SLC9A2: variants seen among roughly 807,000 people sequenced by gnomAD.
The protein encoded by SLC9A2 is sodium/hydrogen exchanger 2.
Under a neutral mutation model 71.7 loss-of-function variants are expected in SLC9A2, and 42 were observed. The ratio of observed to expected loss-of-function variants is 0.59; its 90% CI spans 0.46 to 0.76. SLC9A2 has a LOEUF of 0.76. Among genes scored for constraint, SLC9A2 ranks in the 30% least tolerant of loss-of-function variants. The probability of loss-of-function intolerance (pLI) is 0.00; values close to 1 mark genes in which losing one functional copy is unlikely to be tolerated. For missense variants in SLC9A2, 829 were observed against 1,017.4 expected (o/e 0.81, Z 2.52); for synonymous variants, 396 against 392.5 (o/e 1.01, Z -0.10).
chr2:102,668,355 A>G (rs1391730383), intron 3 of SLC9A2, among the ~76,000 whole-genome samples: 3 of 121,776 alleles, frequency 2.5e-5, no homozygotes, highest in Non-Finnish European at 3.6e-5. Flanking sequence ...ACAGATGTGC[A>G]TGCCCCGCCC....
intron 3 of SLC9A2, among the ~76,000 whole-genome samples, chr2:102,674,782 A>T (rs1174666048): frequency 6.6e-6 from 1 of 152,212 alleles, no homozygotes; most frequent in Non-Finnish European, 1.5e-5. Flanking sequence ...CCTTAGGGTG[A>T]TAGGACAAGG....
At chr2:102,662,039 G>A (rs1339955395) in intron 2 of SLC9A2, among the ~76,000 whole-genome samples, 1 of 152,152 alleles carries the variant, frequency 6.6e-6, no homozygotes, top group Non-Finnish European at 1.5e-5. Flanking sequence ...TAAAACAGGT[G>A]GGAGGTTGTG....
chr2:102,705,487 A>G (rs1677957890), intron 10 of SLC9A2, among the ~76,000 whole-genome samples: 2 of 151,958 alleles, frequency 1.3e-5, no homozygotes, highest in South Asian at 4.1e-4. Flanking sequence ...AACACCTTAC[A>G]TATATATATT....
chr2:102,681,699 T>C (rs774500159), intron 3 of SLC9A2, among the ~76,000 whole-genome samples: 1 of 152,228 alleles, frequency 6.6e-6, no homozygotes, highest in Non-Finnish European at 1.5e-5. Flanking sequence ...CAATAAATTA[T>C]GCATTCTTCA....
chr2:102,676,746 T>C (rs1385304523), intron 3 of SLC9A2, among the ~76,000 whole-genome samples: 1 of 152,246 alleles, frequency 6.6e-6, no homozygotes, highest in African/African-American at 2.4e-5. Context: ...TGAGTACTTA[T>C]TCTGAGAGCA....
chr2:102,654,398 T>C (rs909643339), intron 1 of SLC9A2, among the ~76,000 whole-genome samples: 6 of 152,150 alleles, frequency 3.9e-5, no homozygotes, highest in Non-Finnish European at 8.8e-5. Context: ...ACCCATTGAA[T>C]ACATTTAGTC....
In SLC9A2 at chr2:102,686,064, T is replaced by G. The variant is rs532626583; in HGVS notation, c.1425+1728T>G. 4.2e-4 allele frequency among the ~76,000 whole-genome samples: 64 copies of G among 152,312 alleles called. 1 individual carries two copies. The South Asian group carries it at 7.2e-3, about 17-fold the overall frequency. ...GGAGGAAGATCAGGAGATGTGCGTG[T>G]GTTTTAAAAATTTATTCATATTTAT... is the stretch of plus-strand genomic sequence containing the variant. On this transcript the variant is annotated intron_variant, in intron 5 of 11. Coordinates refer to ENST00000233969, the MANE Select transcript of SLC9A2 (RefSeq NM_003048.6).
intron 1 of SLC9A2, among the ~76,000 whole-genome samples, chr2:102,645,953 C>G (rs1676715006): frequency 6.6e-6 from 1 of 152,080 alleles, no homozygotes; most frequent in Non-Finnish European, 1.5e-5. Flanking sequence ...ACACAGAGAA[C>G]ACAACTAAGA....
Position 102,657,758 on chromosome 2 carries a change from T to G in SLC9A2, c.484T>G (p.Phe162Val), listed in dbSNP as rs1425150409. ...CGGCTATTTCATGCCCACTCGCCCA[T>G]TCTTTGAGAACATTGGCACGATTTT... Reference protein sequence around the residue: ...DAGYFMPTRPFFENIGTIFWY... With the variant: ...DAGYFMPTRPVFENIGTIFWY... Residue 162 changes from phenylalanine (F) to valine (V), a missense_variant, in exon 2 of 12, where the codon TTC (phenylalanine) becomes GTC (valine). Phe to Val is a conservative substitution (Grantham distance 50). This residue lies in a region of SLC9A2 where 500 missense variants were observed against 726.3 expected (regional missense o/e 0.69). Coordinates refer to ENST00000233969, the MANE Select transcript of SLC9A2 (RefSeq NM_003048.6). The G allele has an allele frequency of 2.5e-6, 4 of 1,614,204 alleles. No individual in the cohort carries two copies. The highest frequency in any genetic ancestry group is 3.4e-6 in the Non-Finnish European group (4 of 1,180,020).
At chr2:102,644,450 T>C (rs1573404638) in intron 1 of SLC9A2, among the ~76,000 whole-genome samples, 1 of 152,210 alleles carries the variant, frequency 6.6e-6, no homozygotes, top group Non-Finnish European at 1.5e-5. Flanking sequence ...GCTCCTGGAA[T>C]GCCAGCAAGA....
chr2:102,655,717 T>A (rs1466613820), intron 1 of SLC9A2, among the ~76,000 whole-genome samples: 3 of 152,234 alleles, frequency 2.0e-5, no homozygotes, highest in African/African-American at 7.2e-5. Flanking sequence ...TAAATTTCTG[T>A]CCTACTCTGT....
chr2:102,649,747 A>T (rs1030559684), intron 1 of SLC9A2, among the ~76,000 whole-genome samples: 11 of 152,264 alleles, frequency 7.2e-5, no homozygotes, highest in Admixed American at 5.9e-4. Flanking sequence ...CATTAGAGAA[A>T]TGCAAATCAA....
chr2:102,658,123 GCACA>G, intron 2 of SLC9A2, 96 bp downstream of exon 2: 4 of 906,112 alleles, frequency 4.4e-6, no homozygotes, highest in South Asian at 1.6e-5. Context: ...GCGAGACCCT[GCACA>G]CAGGGTGGTT....
At chr2:102,622,826 T>C (rs1220636932) in intron 1 of SLC9A2, among the ~76,000 whole-genome samples, 2 of 152,250 alleles carry the variant, frequency 1.3e-5, no homozygotes, top group African/African-American at 4.8e-5. Flanking sequence ...TTTCTAGCAC[T>C]ACAGAACCTT....
intron 1 of SLC9A2, among the ~76,000 whole-genome samples, chr2:102,640,017 C>T (rs1307821178): frequency 2.0e-5 from 3 of 152,120 alleles, no homozygotes; most frequent in African/African-American, 4.8e-5. Context: ...ACTAGGATTG[C>T]GAGGCGTGTG....
intron 3 of SLC9A2, among the ~76,000 whole-genome samples, chr2:102,672,257 A>G (rs977064252): frequency 2.6e-5 from 4 of 152,204 alleles, no homozygotes; most frequent in African/African-American, 9.6e-5. Flanking sequence ...GAGTTACATA[A>G]ATATGCTCTG....
rs968407196 is a variant in SLC9A2 at position 102,711,320 on chromosome 2, C to G, written c.*2831C>G. On this transcript the variant is annotated 3_prime_UTR_variant, in exon 12 of 12. Coordinates refer to ENST00000233969, the MANE Select transcript of SLC9A2 (RefSeq NM_003048.6). ...AAGAGATCACTTTGTCCGGATGAAG[C>G]AGCTGTTGGCATTATCCGCTGAGGC... 3.9e-5 allele frequency: 6 copies of G among 152,350 alleles called. No individual in the cohort carries two copies. 9.4% of individuals were successfully genotyped at this position (152,350 alleles called of 1,614,324 possible).
At chr2:102,671,649 T>C (rs145870865) in intron 3 of SLC9A2, among the ~76,000 whole-genome samples, 29 of 152,346 alleles carry the variant, frequency 1.9e-4, no homozygotes, top group Non-Finnish European at 3.7e-4. Flanking sequence ...TTTAATTTAG[T>C]AGATTCAATA....
At chr2:102,646,668 T>C (rs1676728755) in intron 1 of SLC9A2, among the ~76,000 whole-genome samples, 1 of 151,426 alleles carries the variant, frequency 6.6e-6, no homozygotes, top group African/African-American at 2.4e-5. Context: ...TCCTAGTCTC[T>C]GATAAAACAG....
Sources: gnomAD v4.1 joint callset for allele counts (sites outside exome capture counted in the v4.1 genomes callset) on GRCh38, gnomAD v4.1.1 for gene constraint, gnomAD v4.1.1 regional missense constraint, MANE v1.5 for transcripts, NCBI Gene and HGNC (gene_info 2026-07-23, HGNC 2026-07-21) for gene names.